Variants in HEATR4 observed in about 807,000 individuals in gnomAD.
HEATR4 encodes the protein HEAT repeat-containing protein 4.
Under a neutral mutation model 108.8 loss-of-function variants are expected in HEATR4, and 95 were observed. The ratio of observed to expected loss-of-function variants is 0.87; its 90% CI spans 0.74 to 1.04. HEATR4 has a LOEUF of 1.04. Among genes scored for constraint, HEATR4 ranks in the 50% least tolerant of loss-of-function variants. The pLI is 0.00. For missense variants in HEATR4, 1,152 were observed against 1,253.8 expected (o/e 0.92, Z 1.23); for synonymous variants, 443 against 459.4 (o/e 0.96, Z 0.46).
At chr14:73,490,621 A>T (rs1166664254) in intron 17 of HEATR4, among the ~76,000 whole-genome samples, 2 of 151,540 alleles carry the variant, frequency 1.3e-5, no homozygotes, top group Non-Finnish European at 2.9e-5. Flanking sequence ...CGCCCGGCCA[A>T]TTTTTGTAGT....
the HEATR4 span, chr14:73,619,938 G>A: frequency 8.8e-7 from 1 of 1,130,916 alleles, no homozygotes; most frequent in South Asian, 1.7e-5. Context: ...TTTTTTTCCT[G>A]TATCACTCTG....
chr14:73,630,863 A>G, the HEATR4 span, among the ~76,000 whole-genome samples: 4 of 152,186 alleles, frequency 2.6e-5, no homozygotes, highest in Admixed American at 1.3e-4. Context: ...AGAAGGGCAA[A>G]GAAAAACTTT....
chr14:73,569,827 T>TGCGGCGCGAGCCGGTGC, the HEATR4 span: 1 of 1,598,204 alleles, frequency 6.3e-7, no homozygotes, highest in Non-Finnish European at 8.5e-7. Flanking sequence ...CCGCCCGGGG[T>TGCGGCGCGAGCCGGTGC]GCGGCGCGAG....
chr14:73,559,524 G>A (rs1407054495), upstream of HEATR4, among the ~76,000 whole-genome samples: 5 of 149,956 alleles, frequency 3.3e-5, no homozygotes, highest in Non-Finnish European at 7.4e-5. Flanking sequence ...GAGGTCAGGA[G>A]TTAGAGACCA....
chr14:73,584,700 A>C, the HEATR4 span, among the ~76,000 whole-genome samples: 4 of 145,836 alleles, frequency 2.7e-5, no homozygotes, highest in Admixed American at 2.8e-4. Flanking sequence ...AGCTCAGAGG[A>C]GGCAGAGGCT....
the HEATR4 span, among the ~76,000 whole-genome samples, chr14:73,570,273 A>G: frequency 8.6e-5 from 13 of 151,758 alleles, no homozygotes; most frequent in African/African-American, 2.9e-4. Flanking sequence ...GTGCTCAGTT[A>G]AAAGACATTG....
chr14:73,487,928 A>G, intron 17 of HEATR4, among the ~76,000 whole-genome samples: 1 of 152,230 alleles, frequency 6.6e-6, no homozygotes, highest in East Asian at 1.9e-4. Flanking sequence ...CAAACAGTCT[A>G]GCTTGTAGAA....
At chr14:73,562,669 C>T (rs1889546215), upstream of HEATR4, among the ~76,000 whole-genome samples, 1 of 151,880 alleles carries the variant, frequency 6.6e-6, no homozygotes, top group African/African-American at 2.4e-5. Context: ...GGCGGGAGGT[C>T]TATAAACGGC....
the HEATR4 span, chr14:73,613,130 T>C: frequency 6.0e-6 from 3 of 498,546 alleles, no homozygotes; most frequent in Admixed American, 1.3e-4. Context: ...AACTTGTTCC[T>C]TCGCTCCAGA....
At chr14:73,569,568 G>T in the HEATR4 span, 1 of 1,599,550 alleles carries the variant, frequency 6.3e-7, no homozygotes, top group Non-Finnish European at 8.5e-7. Context: ...GCTTTTCCAG[G>T]CCCACGCGCG....
chr14:73,576,797 A>AAAAAAAAAAAAG, the HEATR4 span, among the ~76,000 whole-genome samples: 1 of 140,512 alleles, frequency 7.1e-6, no homozygotes, highest in Non-Finnish European at 1.5e-5. Context: ...CAGTCTCAAA[A>AAAAAAAAAAAAG]AAAAAAAAAA....
At chr14:73,509,836 A>C (rs1251601848) in intron 7 of HEATR4, among the ~76,000 whole-genome samples, 1 of 44,278 alleles carries the variant, frequency 2.3e-5, no homozygotes, top group Non-Finnish European at 5.1e-5. Context: ...ATATATATAT[A>C]TATATATATA....
chr14:73,565,008 T>TAGATGTCTACAAA, the HEATR4 span, among the ~76,000 whole-genome samples: 2 of 152,092 alleles, frequency 1.3e-5, no homozygotes, highest in Non-Finnish European at 2.9e-5. Flanking sequence ...TATATAACTT[T>TAGATGTCTACAAA]AGATGTCTAC....
chr14:73,491,576 C>T, intron 17 of HEATR4: 1 of 1,542,542 alleles, frequency 6.5e-7, no homozygotes, highest in South Asian at 1.2e-5. Flanking sequence ...CCCGCTGCGG[C>T]GCGTCTTGGC....
the HEATR4 span, among the ~76,000 whole-genome samples, chr14:73,593,497 C>G: frequency 6.7e-6 from 1 of 150,360 alleles, no homozygotes; most frequent in Non-Finnish European, 1.5e-5. Context: ...CACCACCACA[C>G]TGACTAATTA....
At chr14:73,523,577 T>C (rs529932017) in intron 2 of HEATR4, among the ~76,000 whole-genome samples, 1 of 152,306 alleles carries the variant, frequency 6.6e-6, no homozygotes, top group Non-Finnish European at 1.5e-5. Context: ...CATTCAGGGT[T>C]CTCCATGAGT....
chr14:73,575,475 T>C, the HEATR4 span: 212 of 1,497,366 alleles, frequency 1.4e-4, 2 homozygotes, highest in East Asian at 1.9e-3. Flanking sequence ...CCACAAACAC[T>C]TGGGTGGCCA....
chr14:73,599,277 T>C, the HEATR4 span, among the ~76,000 whole-genome samples: 1 of 152,152 alleles, frequency 6.6e-6, no homozygotes, highest in Non-Finnish European at 1.5e-5. Flanking sequence ...ACTGCAGATT[T>C]GTGAGCAAAA....
At chr14:73,522,165 G>T in intron 3 of HEATR4, 107 bp downstream of exon 3, 1 of 1,179,286 alleles carries the variant, frequency 8.5e-7, no homozygotes, top group Non-Finnish European at 1.2e-6. Context: ...AGAACATGAA[G>T]TTGATGGGAG....
Sources: gnomAD v4.1 joint callset for allele counts (sites outside exome capture counted in the v4.1 genomes callset) on GRCh38, gnomAD v4.1.1 for gene constraint, MANE v1.5 for transcripts, NCBI Gene and HGNC (gene_info 2026-07-23, HGNC 2026-07-21) for gene names.